Variants in ELK3 observed in about 807,000 individuals in gnomAD.
ELK3 encodes ETS transcription factor ELK3.
Under a neutral mutation model 28.9 loss-of-function variants are expected in ELK3, and 10 were observed. The ratio of observed to expected loss-of-function variants is 0.35; its 90% CI spans 0.21 to 0.59. ELK3 has a LOEUF of 0.59. Among genes scored for constraint, ELK3 ranks in the 20% least tolerant of loss-of-function variants. The pLI is 0.82. For missense variants in ELK3, 463 were observed against 517.3 expected (o/e 0.90, Z 1.02); for synonymous variants, 272 against 243.5 (o/e 1.12, Z -1.09).
At chr12:96,226,825 A>T (rs1951705527) in intron 2 of ELK3, among the ~76,000 whole-genome samples, 1 of 151,994 alleles carries the variant, frequency 6.6e-6, no homozygotes, top group Non-Finnish European at 1.5e-5. Flanking sequence ...GGGGAGGAAG[A>T]TAAGAAGAAA....
chr12:96,266,786 T>G (rs1952034970), intron 4 of ELK3, among the ~76,000 whole-genome samples: 1 of 152,196 alleles, frequency 6.6e-6, no homozygotes, highest in Non-Finnish European at 1.5e-5. Context: ...TTAGAACTTT[T>G]AAAAAATAGT....
At chr12:96,235,494 G>A (rs1383232931) in intron 2 of ELK3, among the ~76,000 whole-genome samples, 5 of 152,300 alleles carry the variant, frequency 3.3e-5, no homozygotes, top group Non-Finnish European at 7.4e-5. Context: ...TAGGAAACAA[G>A]CATCCTTCTC....
chr12:96,256,906 T>C (rs954008736), intron 3 of ELK3, among the ~76,000 whole-genome samples: 3 of 152,044 alleles, frequency 2.0e-5, no homozygotes, highest in East Asian at 1.9e-4. Flanking sequence ...GTGCAGGCTT[T>C]TTAGGAGACT....
chr12:96,224,400 C>G (rs570243978), intron 2 of ELK3, among the ~76,000 whole-genome samples: 1 of 142,154 alleles, frequency 7.0e-6, no homozygotes, highest in South Asian at 2.4e-4. Context: ...TAGAACACTG[C>G]TAATAGGAGT....
intron 1 of ELK3, among the ~76,000 whole-genome samples, chr12:96,216,210 A>G (rs1376344469): frequency 6.6e-6 from 1 of 152,024 alleles, no homozygotes; most frequent in Non-Finnish European, 1.5e-5. Context: ...ATCTGACCCA[A>G]CAGCTCTCAT....
intron 2 of ELK3, among the ~76,000 whole-genome samples, chr12:96,227,138 T>C (rs1364299721): frequency 2.0e-5 from 3 of 152,148 alleles, no homozygotes; most frequent in African/African-American, 7.2e-5. Context: ...CCTGGGCCAC[T>C]GCCGTGTGTG....
chr12:96,218,029 C>T (rs1221847772), intron 1 of ELK3, among the ~76,000 whole-genome samples: 2 of 151,732 alleles, frequency 1.3e-5, no homozygotes, highest in South Asian at 2.1e-4. Flanking sequence ...ATATGATTCA[C>T]GTTTGACAAG....
intron 1 of ELK3, among the ~76,000 whole-genome samples, chr12:96,211,861 AAC>A (rs1449775560): frequency 2.0e-5 from 3 of 152,206 alleles, no homozygotes; most frequent in Admixed American, 1.3e-4. Context: ...AGTATTATGA[AAC>A]AGTCTTTAAT....
chr12:96,262,871 C>G (rs1479906163), intron 4 of ELK3, among the ~76,000 whole-genome samples: 1 of 150,110 alleles, frequency 6.7e-6, no homozygotes, highest in African/African-American at 2.5e-5. Context: ...CCAGGCTGGT[C>G]TTGAACTCCT....
chr12:96,228,270 T>C (rs1394179197), intron 2 of ELK3, among the ~76,000 whole-genome samples: 1 of 151,398 alleles, frequency 6.6e-6, no homozygotes, highest in South Asian at 2.1e-4. Context: ...ATACAAAAAT[T>C]AGCTGGGCGT....
At chr12:96,263,944 A>G (rs1305036092) in intron 4 of ELK3, among the ~76,000 whole-genome samples, 1 of 152,168 alleles carries the variant, frequency 6.6e-6, no homozygotes, top group East Asian at 1.9e-4. Flanking sequence ...GAAGAACTGA[A>G]GAGAAAGTGG....
rs34003698 is a variant in ELK3 at position 96,223,584 on chromosome 12, G to A, written c.18G>A (p.Thr6=). MESAI[T]LWQFLLQLLL... ...CTGCAGGTATGGAGAGTGCAATCAC[G>A]CTGTGGCAGTTCCTGTTGCAGTTGC... Residue 6 remains threonine (T), a synonymous_variant, in exon 2 of 5, where the codon ACG becomes ACA. Coordinates refer to ENST00000228741, the MANE Select transcript of ELK3 (RefSeq NM_005230.4). The A allele has an allele frequency of 5.9e-4, 946 of 1,614,108 alleles. 11 individuals carry two copies. In the African/African-American group the frequency reaches 0.011, roughly 18 times the overall value.
chr12:96,232,006 T>A (rs981205424), intron 2 of ELK3, among the ~76,000 whole-genome samples: 1 of 151,996 alleles, frequency 6.6e-6, no homozygotes, highest in Admixed American at 6.6e-5. Context: ...CAGGGAGGGA[T>A]GTAGAGGCAG....
chr12:96,211,624 C>A (rs969427917), intron 1 of ELK3, among the ~76,000 whole-genome samples: 3 of 151,826 alleles, frequency 2.0e-5, no homozygotes, highest in African/African-American at 7.3e-5. Context: ...TCTTACAGTT[C>A]AACTTAATAG....
At chr12:96,217,659 G>C (rs1339438111) in intron 1 of ELK3, among the ~76,000 whole-genome samples, 2 of 152,016 alleles carry the variant, frequency 1.3e-5, no homozygotes, top group Non-Finnish European at 2.9e-5. Context: ...TCCTCAGCTG[G>C]GCACAGTGGC....
In ELK3 at chr12:96,201,125, A is replaced by G. The variant is rs145077970; in HGVS notation, c.-3+6420A>G. On this transcript the variant is annotated intron_variant, in intron 1 of 4. Transcript: ENST00000228741. ...TTTTATTTAATCTGCTTAGTTAAAAATAAATCAGAATGTGTAGATTTCCTC... is the reference window on the plus strand; with the variant it reads ...TTTTATTTAATCTGCTTAGTTAAAAGTAAATCAGAATGTGTAGATTTCCTC... Among the ~76,000 whole-genome samples the G allele has an allele frequency of 3.3e-5, 5 of 152,370 alleles. No individual in the cohort carries two copies. The East Asian group carries it at 9.6e-4, about 29-fold the overall frequency.
At chr12:96,202,318 G>A (rs2136999725) in intron 1 of ELK3, among the ~76,000 whole-genome samples, 2 of 152,222 alleles carry the variant, frequency 1.3e-5, no homozygotes, top group South Asian at 4.2e-4. Context: ...GGTGTCCTCT[G>A]CCCTCTGTCC....
At chr12:96,254,684 T>C (rs1951934151) in intron 3 of ELK3, among the ~76,000 whole-genome samples, 1 of 151,964 alleles carries the variant, frequency 6.6e-6, no homozygotes, top group Non-Finnish European at 1.5e-5. Flanking sequence ...TAGGAGCTCA[T>C]AACTTAAGTC....
At chr12:96,228,396 G>A (rs1170258523) in intron 2 of ELK3, among the ~76,000 whole-genome samples, 4 of 121,668 alleles carry the variant, frequency 3.3e-5, no homozygotes, top group Non-Finnish European at 4.8e-5. Flanking sequence ...CCAGCCTGGC[G>A]ACAGAGTGAG....
Sources: gnomAD v4.1 joint callset for allele counts (sites outside exome capture counted in the v4.1 genomes callset) on GRCh38, gnomAD v4.1.1 for gene constraint, MANE v1.5 for transcripts, NCBI Gene and HGNC (gene_info 2026-07-23, HGNC 2026-07-21) for gene names.